The following DACH2 variants were observed in gnomAD, a reference collection of about 807,000 sequenced individuals.
DACH2 encodes the protein dachshund family transcription factor 2.
A neutral mutation model predicts 35.8 loss-of-function variants in DACH2; 17 were observed. The observed-to-expected ratio is 0.48, with a 90% CI of 0.33 to 0.71. The LOEUF (loss-of-function observed/expected upper bound fraction) is 0.71, where lower values mean the gene tolerates loss of function less well. DACH2 is among the 30% of genes least tolerant of loss of function. The pLI is 0.02. For synonymous variants in DACH2, 195 were observed against 177.3 expected (o/e 1.10, Z -0.79); for missense variants, 469 against 472.7 (o/e 0.99, Z 0.07).
At chrX:86,457,529 G>T (rs1194413539) in intron 2 of DACH2, among the ~76,000 whole-genome samples, 1 of 112,047 alleles carries the variant, frequency 8.9e-6, no homozygotes, top group Admixed American at 9.5e-5. Flanking sequence ...TTATTAATTT[G>T]CTAATTCACA....
At chrX:86,799,061 G>C in intron 7 of DACH2, 1 of 302,280 alleles carries the variant, frequency 3.3e-6, no homozygotes, top group Non-Finnish European at 6.3e-6. Context: ...CTTTCCCAAA[G>C]ATATCTTGGA....
At chrX:86,407,170 G>A (rs1887313679) in intron 2 of DACH2, among the ~76,000 whole-genome samples, 1 of 111,512 alleles carries the variant, frequency 9.0e-6, no homozygotes, top group Non-Finnish European at 1.9e-5. Flanking sequence ...ATAATTTCAA[G>A]GAATAAAGCC....
At chrX:86,526,231 G>A (rs1260003760) in intron 3 of DACH2, among the ~76,000 whole-genome samples, 1 of 111,627 alleles carries the variant, frequency 9.0e-6, no homozygotes, top group Non-Finnish European at 1.9e-5. Context: ...GAGCAAAATA[G>A]AGTGTCTATC....
intron 6 of DACH2, among the ~76,000 whole-genome samples, chrX:86,715,009 C>A (rs1048207955): frequency 9.0e-6 from 1 of 111,575 alleles, no homozygotes; most frequent in African/African-American, 3.3e-5. Context: ...GAAGAGTGTG[C>A]AAAAACCATT....
chrX:86,296,161 C>T (rs926506733), intron 1 of DACH2, among the ~76,000 whole-genome samples: 8 of 106,899 alleles, frequency 7.5e-5, no homozygotes, highest in East Asian at 3.0e-4. Flanking sequence ...GGGCGGATCA[C>T]GAGGTCAGGA....
chrX:86,368,430 T>C (rs1176713148), intron 1 of DACH2, among the ~76,000 whole-genome samples: 2 of 111,720 alleles, frequency 1.8e-5, no homozygotes, highest in Non-Finnish European at 3.8e-5. Context: ...AATATTGAAC[T>C]AAGAATCTGC....
At chrX:86,611,133 G>A (rs1234784571) in intron 3 of DACH2, among the ~76,000 whole-genome samples, 4 of 110,216 alleles carry the variant, frequency 3.6e-5, no homozygotes, top group Non-Finnish European at 5.7e-5. Context: ...AGCAGGTGAT[G>A]GGTTCTGTTA....
At chrX:86,811,506 C>A (rs1266565530) in intron 7 of DACH2, among the ~76,000 whole-genome samples, 1 of 111,549 alleles carries the variant, frequency 9.0e-6, no homozygotes, top group East Asian at 2.8e-4. Flanking sequence ...TTGAGTGAGT[C>A]TCATTAGAAT....
intron 1 of DACH2, among the ~76,000 whole-genome samples, chrX:86,300,707 A>T (rs1418223645): frequency 8.9e-6 from 1 of 112,181 alleles, no homozygotes; most frequent in Non-Finnish European, 1.9e-5. Context: ...GTTTAGCCCA[A>T]TAAAAATAAG....
At chrX:86,400,738 A>T (rs1156931032) in intron 2 of DACH2, among the ~76,000 whole-genome samples, 3 of 111,133 alleles carry the variant, frequency 2.7e-5, no homozygotes, top group Non-Finnish European at 5.7e-5. Flanking sequence ...GTTCCTCTGG[A>T]TGTTTTGTCT....
At position 86,816,045 on chromosome X, in the gene DACH2, C is replaced by T; in HGVS notation, c.1696C>T (p.Pro566Ser). The change falls in exon 11 of 12, where the codon CCA (proline) becomes TCA (serine). Residue 566 changes from proline (P) to serine (S), a missense_variant. Pro to Ser is a moderately conservative substitution (Grantham distance 74, BLOSUM62 -1). This residue lies in a region of DACH2 where 363 missense variants were observed against 334.4 expected (regional missense o/e 1.09). Coordinates refer to ENST00000373125, the MANE Select transcript of DACH2 (RefSeq NM_053281.3). ...GLRMLKDTGI[P>S]DIEIENNGTP... ...GTCATTTATTTCAGATACTGGAATT[C>T]CAGATATTGAAATAGAAAACAATGG... is the stretch of plus-strand genomic sequence containing the variant. The T allele has an allele frequency of 8.5e-7, 1 of 1,182,275 alleles. No homozygotes were observed. The highest frequency in any genetic ancestry group is 1.9e-5 in the South Asian group (1 of 53,245).
intron 2 of DACH2, among the ~76,000 whole-genome samples, chrX:86,502,785 C>T (rs1025185965): frequency 8.9e-6 from 1 of 112,102 alleles, no homozygotes; most frequent in African/African-American, 3.2e-5. Context: ...CAACCCACAG[C>T]CCGGGGGCTG....
intron 1 of DACH2, among the ~76,000 whole-genome samples, chrX:86,324,578 T>C (rs1245337310): frequency 1.2e-5 from 1 of 83,630 alleles, no homozygotes; most frequent in African/African-American, 4.5e-5. Context: ...TGTCTTTTTT[T>C]TTTTTTTTTT....
chrX:86,174,256 G>A (rs1309220141), intron 1 of DACH2, among the ~76,000 whole-genome samples: 7 of 107,770 alleles, frequency 6.5e-5, no homozygotes, highest in African/African-American at 2.4e-4. Flanking sequence ...CTGAGTAGCT[G>A]GGACTACAGG....
chrX:86,292,973 G>C (rs1349408060), intron 1 of DACH2, among the ~76,000 whole-genome samples: 62 of 100,171 alleles, frequency 6.2e-4, no homozygotes, highest in African/African-American at 2.3e-3. Flanking sequence ...TTAATTCCTG[G>C]GTATCCTTGT....
At chrX:86,532,187 G>A (rs1479754382) in intron 3 of DACH2, among the ~76,000 whole-genome samples, 3 of 112,076 alleles carry the variant, frequency 2.7e-5, no homozygotes, top group Non-Finnish European at 5.6e-5. Flanking sequence ...TCTGAGATGA[G>A]ACTTTGGACT....
intron 1 of DACH2, among the ~76,000 whole-genome samples, chrX:86,292,368 A>T (rs1316385069): frequency 3.2e-5 from 3 of 94,993 alleles, no homozygotes; most frequent in Non-Finnish European, 6.2e-5. Context: ...GATCCATTCA[A>T]AAAACCAGCT....
At chrX:86,371,546 C>T (rs2035887357) in intron 1 of DACH2, among the ~76,000 whole-genome samples, 1 of 110,541 alleles carries the variant, frequency 9.0e-6, no homozygotes, top group African/African-American at 3.3e-5. Flanking sequence ...CTTAAATAGG[C>T]CTGAAATATA....
At chrX:86,476,932 T>G (rs774644184) in intron 2 of DACH2, among the ~76,000 whole-genome samples, 7 of 111,489 alleles carry the variant, frequency 6.3e-5, no homozygotes, top group Non-Finnish European at 1.1e-4. Context: ...AGCATAATGT[T>G]TAAGTTCTGT....
Sources: allele counts gnomAD v4.1 joint callset (sites outside exome capture counted in the v4.1 genomes callset), GRCh38; gene constraint gnomAD v4.1.1; regional missense constraint gnomAD v4.1.1; transcripts MANE v1.5; gene names NCBI Gene and HGNC (gene_info 2026-07-23, HGNC 2026-07-21).